The following PARL variants were observed in gnomAD, a reference collection of about 807,000 sequenced individuals.
PARL encodes the protein presenilin associated rhomboid like, also known as presenilin-associated rhomboid-like protein, mitochondrial.
A neutral mutation model predicts 51.6 loss-of-function variants in PARL; 44 were observed. The ratio of observed to expected loss-of-function variants is 0.85; its 90% confidence interval spans 0.67 to 1.10. The LOEUF (loss-of-function observed/expected upper bound fraction) is 1.10. Ranked by LOEUF, PARL falls within the 50% of genes least tolerant of loss-of-function variation. The probability of loss-of-function intolerance (pLI) is 0.00; values close to 1 mark genes in which losing one functional copy is unlikely to be tolerated. For missense variants in PARL, 441 were observed against 469.5 expected (o/e 0.94, Z 0.56); for synonymous variants, 172 against 164.0 (o/e 1.05, Z -0.37).
intron 1 of PARL, 64 bp downstream of exon 1, chr3:183,884,658 C>G (rs1734920958): frequency 6.6e-6 from 10 of 1,526,372 alleles, no homozygotes; most frequent in South Asian, 1.2e-5. Flanking sequence ...CCTCCGCCCC[C>G]GAGGATACAC....
intron 9 of PARL, among the ~76,000 whole-genome samples, chr3:183,831,009 C>A (rs1727873655): frequency 6.6e-6 from 1 of 152,198 alleles, no homozygotes; most frequent in South Asian, 2.1e-4. Flanking sequence ...CAGAGTCGCG[C>A]TCTGTTGCCC....
intron 1 of PARL, among the ~76,000 whole-genome samples, chr3:183,872,857 C>T (rs575780069): frequency 1.3e-5 from 2 of 152,260 alleles, no homozygotes; most frequent in East Asian, 3.9e-4. Context: ...AGAGACGAGG[C>T]AGTCATCTCA....
At chr3:183,840,672 G>A in intron 6 of PARL, 32 bp from the exon 7 acceptor site, 5 of 1,078,606 alleles carry the variant, frequency 4.6e-6, no homozygotes, top group Non-Finnish European at 4.2e-6. Context: ...AATAATTTAA[G>A]TGAGGTATAA....
intron 4 of PARL, among the ~76,000 whole-genome samples, chr3:183,853,542 ACT>A (rs1316779878): frequency 1.3e-5 from 2 of 152,092 alleles, no homozygotes; most frequent in East Asian, 1.9e-4. Flanking sequence ...AAAGAGCAAG[ACT>A]CTGTCTCAAA....
chr3:183,859,115 C>CT (rs1199821384), intron 4 of PARL, among the ~76,000 whole-genome samples: 1 of 152,012 alleles, frequency 6.6e-6, no homozygotes, highest in Non-Finnish European at 1.5e-5. Context: ...ACCATCCTGG[C>CT]TAACGCGGTG....
intron 9 of PARL, 29 bp downstream of exon 9, chr3:183,833,463 G>C (rs41265439): frequency 0.03 from 41,652 of 1,371,940 alleles, 751 homozygotes; most frequent in Non-Finnish European, 0.036. Flanking sequence ...CAAGGAAGCA[G>C]TTTAGCAATC....
chr3:183,843,243 T>G (rs950495343), intron 5 of PARL: 1 of 985,346 alleles, frequency 1.0e-6, no homozygotes, highest in Admixed American at 6.1e-5. Flanking sequence ...TTCTACTTAG[T>G]AAGCAACCAA....
At chr3:183,864,268 T>C (rs1732180665) in intron 3 of PARL, among the ~76,000 whole-genome samples, 1 of 152,066 alleles carries the variant, frequency 6.6e-6, no homozygotes, top group African/African-American at 2.4e-5. Context: ...AAAACATCAT[T>C]AGCAAAAAGA....
chr3:183,840,672 G>C lies in PARL; in HGVS notation c.758-32C>G, dbSNP rs770771770. The C allele has an allele frequency of 6.5e-6, 7 of 1,078,514 alleles. No homozygotes were observed. In the Admixed American group the frequency reaches 1.0e-4, roughly 16 times the overall value. 66.8% of individuals were successfully genotyped at this position (1,078,514 alleles called of 1,614,324 possible). On this transcript the variant is annotated intron_variant, in intron 6 of 9. Coordinates refer to ENST00000317096, the MANE Select transcript of PARL (RefSeq NM_018622.7). Reference sequence around the variant, plus strand: ...AACAAGTCACATTACAATAATTTAAGTGAGGTATAAAAATGGTTTACTTTT... The same window carrying C: ...AACAAGTCACATTACAATAATTTAACTGAGGTATAAAAATGGTTTACTTTT...
intron 4 of PARL, among the ~76,000 whole-genome samples, chr3:183,851,331 T>C (rs1320569639): frequency 6.6e-6 from 1 of 152,210 alleles, no homozygotes; most frequent in Non-Finnish European, 1.5e-5. Context: ...AGAATGTTTA[T>C]GCTTCAGAAA....
intron 4 of PARL, among the ~76,000 whole-genome samples, chr3:183,855,463 G>A (rs945050588): frequency 9.9e-5 from 15 of 151,906 alleles, no homozygotes; most frequent in Non-Finnish European, 1.5e-4. Context: ...TTAAATCAGT[G>A]GTCTCCAACC....
intron 7 of PARL, among the ~76,000 whole-genome samples, chr3:183,836,605 A>C (rs1728623607): frequency 6.6e-6 from 1 of 152,212 alleles, no homozygotes; most frequent in Non-Finnish European, 1.5e-5. Context: ...AAGTACAGTG[A>C]GTCATGAACC....
At chr3:183,884,451 G>A (rs1734885846) in intron 1 of PARL, among the ~76,000 whole-genome samples, 1 of 152,218 alleles carries the variant, frequency 6.6e-6, no homozygotes, top group Admixed American at 6.5e-5. Context: ...ATGAAGTGTG[G>A]CACGCAATGA....
At chr3:183,845,033 A>C (rs943785296) in intron 4 of PARL, among the ~76,000 whole-genome samples, 22 of 152,320 alleles carry the variant, frequency 1.4e-4, no homozygotes, top group African/African-American at 5.1e-4. Flanking sequence ...AAAATATATT[A>C]ATTTTATGAA....
chr3:183,854,283 T>C (rs1287872816), intron 4 of PARL, among the ~76,000 whole-genome samples: 2 of 152,124 alleles, frequency 1.3e-5, no homozygotes, highest in Non-Finnish European at 2.9e-5. Context: ...AAAGAGATAT[T>C]TGCACACCCA....
intron 4 of PARL, among the ~76,000 whole-genome samples, chr3:183,848,206 T>G (rs1730174261): frequency 6.6e-6 from 1 of 152,248 alleles, no homozygotes; most frequent in South Asian, 2.1e-4. Context: ...CAGCTGAATC[T>G]CAAAACACCT....
intron 6 of PARL, 50 bp from the exon 7 acceptor site, chr3:183,840,690 T>C (rs761285727): frequency 1.1e-5 from 10 of 946,304 alleles, no homozygotes; most frequent in Non-Finnish European, 1.7e-5. Context: ...TAAAAATGGT[T>C]TACTTTTTTT....
intron 1 of PARL, among the ~76,000 whole-genome samples, chr3:183,883,220 A>G (rs1237893718): frequency 6.6e-6 from 1 of 152,188 alleles, no homozygotes; most frequent in Non-Finnish European, 1.5e-5. Flanking sequence ...GGTGATGTGT[A>G]CATAAATCTT....
At chr3:183,879,687 TC>T (rs1391828512) in intron 1 of PARL, 7 of 953,938 alleles carry the variant, frequency 7.3e-6, no homozygotes, top group Non-Finnish European at 3.7e-6. Flanking sequence ...AGGTACATTT[TC>T]TCTTTTTAAT....
Sources: gnomAD v4.1 joint callset for allele counts (sites outside exome capture counted in the v4.1 genomes callset) on GRCh38, gnomAD v4.1.1 for gene constraint, MANE v1.5 for transcripts, NCBI Gene and HGNC (gene_info 2026-07-23, HGNC 2026-07-21) for gene names.